CNTNAP2: variants seen among roughly 807,000 people sequenced by gnomAD.
The protein encoded by CNTNAP2 is contactin-associated protein-like 2.
Under a neutral mutation model 155.2 loss-of-function variants are expected in CNTNAP2, and 98 were observed. That is an observed-to-expected ratio of 0.63 (90% CI 0.54 to 0.75). The LOEUF (loss-of-function observed/expected upper bound fraction) is 0.75, where lower values mean the gene tolerates loss of function less well. CNTNAP2 is among the 30% of genes least tolerant of loss of function. The pLI, the probability that CNTNAP2 is intolerant of heterozygous loss-of-function variation, is 0.00. For missense variants in CNTNAP2, 1,727 were observed against 1,688.1 expected (o/e 1.02, Z -0.40); for synonymous variants, 651 against 631.2 (o/e 1.03, Z -0.47).
intron 12 of CNTNAP2, among the ~76,000 whole-genome samples, chr7:147,579,130 T>A (rs1475909894): frequency 6.6e-6 from 1 of 152,100 alleles, no homozygotes; most frequent in East Asian, 1.9e-4. Context: ...TTAAATGTAA[T>A]GAACTGTGTG....
chr7:146,299,150 A>C (rs1207018620), intron 1 of CNTNAP2, among the ~76,000 whole-genome samples: 1 of 152,122 alleles, frequency 6.6e-6, no homozygotes, highest in Non-Finnish European at 1.5e-5. Flanking sequence ...ATGTGCCTGT[A>C]ATCCCAGCTA....
chr7:146,644,889 T>C (rs1339131310), intron 1 of CNTNAP2, among the ~76,000 whole-genome samples: 1 of 152,104 alleles, frequency 6.6e-6, no homozygotes, highest in Non-Finnish European at 1.5e-5. Context: ...CACAGCCGAA[T>C]TCTACCAGAG....
intron 1 of CNTNAP2, among the ~76,000 whole-genome samples, chr7:146,396,713 A>G (rs1468126472): frequency 6.6e-6 from 1 of 150,676 alleles, no homozygotes; most frequent in Non-Finnish European, 1.5e-5. Context: ...ATATACATAT[A>G]TATATGTGTA....
intron 2 of CNTNAP2, among the ~76,000 whole-genome samples, chr7:146,788,918 C>T (rs1802625519): frequency 6.6e-6 from 1 of 151,912 alleles, no homozygotes; most frequent in Non-Finnish European, 1.5e-5. Flanking sequence ...TTTTCTGACC[C>T]CAAGAGACTG....
At chr7:146,815,187 A>G (rs1304264053) in intron 2 of CNTNAP2, among the ~76,000 whole-genome samples, 1 of 152,168 alleles carries the variant, frequency 6.6e-6, no homozygotes, top group Non-Finnish European at 1.5e-5. Context: ...GATAGTAGCA[A>G]ATAACAATAC....
At chr7:147,178,893 C>T (rs1412557483) in intron 8 of CNTNAP2, among the ~76,000 whole-genome samples, 1 of 152,092 alleles carries the variant, frequency 6.6e-6, no homozygotes, top group Non-Finnish European at 1.5e-5. Flanking sequence ...CATATTCCAT[C>T]TGTTTTGGCA....
At chr7:147,486,382 A>G (rs1422140600) in intron 11 of CNTNAP2, among the ~76,000 whole-genome samples, 1 of 152,132 alleles carries the variant, frequency 6.6e-6, no homozygotes, top group African/African-American at 2.4e-5. Flanking sequence ...TGTTAGTGTG[A>G]TGTCTCTGAC....
intron 10 of CNTNAP2, among the ~76,000 whole-genome samples, chr7:147,463,003 G>A (rs925544851): frequency 2.6e-5 from 4 of 152,196 alleles, no homozygotes; most frequent in African/African-American, 7.2e-5. Context: ...TATTAAATGG[G>A]TTATGTTCCA....
intron 8 of CNTNAP2, among the ~76,000 whole-genome samples, chr7:147,186,349 T>C (rs1802566386): frequency 6.6e-6 from 1 of 152,202 alleles, no homozygotes; most frequent in South Asian, 2.1e-4. Flanking sequence ...TAGAAGATCT[T>C]TTCTGTTCTG....
At chr7:146,361,811 A>G (rs1375491301) in intron 1 of CNTNAP2, among the ~76,000 whole-genome samples, 1 of 152,240 alleles carries the variant, frequency 6.6e-6, no homozygotes, top group Non-Finnish European at 1.5e-5. Flanking sequence ...TCAAAAAGAC[A>G]GTAAATAAAT....
intron 1 of CNTNAP2, among the ~76,000 whole-genome samples, chr7:146,566,134 A>T (rs956800173): frequency 1.3e-5 from 2 of 152,192 alleles, no homozygotes; most frequent in African/African-American, 2.4e-5. Context: ...CAGCTTTGTT[A>T]TTCCAGCTGG....
chr7:147,084,623 T>C (rs1175090702), intron 4 of CNTNAP2, among the ~76,000 whole-genome samples: 6 of 146,622 alleles, frequency 4.1e-5, no homozygotes, highest in Admixed American at 6.9e-5. Flanking sequence ...GCTATATGTA[T>C]ATATGTATAT....
intron 1 of CNTNAP2, among the ~76,000 whole-genome samples, chr7:146,172,311 A>T (rs1262484200): frequency 6.6e-6 from 1 of 152,036 alleles, no homozygotes; most frequent in East Asian, 1.9e-4. Flanking sequence ...ACTGACATCT[A>T]GTGGGTGGAG....
rs1800095775 is a variant in CNTNAP2 at position 148,420,741 on chromosome 7, G to A, written c.*5125G>A. On this transcript the variant is annotated 3_prime_UTR_variant, in exon 24 of 24. Coordinates refer to ENST00000361727, the MANE Select transcript of CNTNAP2 (RefSeq NM_014141.6). ...GTCAGGTTTTTTAAATTTTTTCAGTGAGCGTGGTGACTGCAGAGGTTAGTG... is the reference window on the plus strand; with the variant it reads ...GTCAGGTTTTTTAAATTTTTTCAGTAAGCGTGGTGACTGCAGAGGTTAGTG... 6.6e-6 allele frequency: 1 copy of A among 152,502 alleles called. No homozygotes were observed. Among genetic ancestry groups the A allele is most frequent in the African/African-American group, 2.4e-5 (1 of 41,412 alleles). The allele number at this position is 152,502 out of a possible 1,614,324, so 9.4% of individuals were successfully genotyped here. A position where few individuals can be genotyped will look rare whatever the true frequency, so the allele number is the denominator to read the frequency against.
At chr7:147,829,475 A>G (rs550495669) in intron 13 of CNTNAP2, among the ~76,000 whole-genome samples, 1 of 152,338 alleles carries the variant, frequency 6.6e-6, no homozygotes, top group East Asian at 1.9e-4. Flanking sequence ...ATAGCTCTCC[A>G]TATTTAGTGC....
At chr7:146,512,202 GC>G (rs1287721802) in intron 1 of CNTNAP2, among the ~76,000 whole-genome samples, 2 of 151,174 alleles carry the variant, frequency 1.3e-5, no homozygotes, top group Non-Finnish European at 3.0e-5. Flanking sequence ...TCTACCTAAA[GC>G]TTTGTCAATT....
chr7:146,842,024 A>G (rs909382764), intron 3 of CNTNAP2, among the ~76,000 whole-genome samples: 6 of 146,346 alleles, frequency 4.1e-5, no homozygotes, highest in African/African-American at 1.5e-4. Flanking sequence ...CTGGGATTGC[A>G]GGCATCCACC....
intron 15 of CNTNAP2, among the ~76,000 whole-genome samples, chr7:148,057,536 T>C (rs763308450): frequency 4.6e-5 from 7 of 152,194 alleles, no homozygotes; most frequent in Non-Finnish European, 1.0e-4. Flanking sequence ...TGTGAGGTGA[T>C]CTTCAAGTAT....
intron 14 of CNTNAP2, among the ~76,000 whole-genome samples, chr7:147,949,586 TG>T (rs1175441320): frequency 6.6e-6 from 1 of 152,064 alleles, no homozygotes; most frequent in African/African-American, 2.4e-5. Context: ...GCTAGTTGGT[TG>T]TTCTCCCGGA....
Sources: gnomAD v4.1 joint callset for allele counts (sites outside exome capture counted in the v4.1 genomes callset) on GRCh38, gnomAD v4.1.1 for gene constraint, MANE v1.5 for transcripts, NCBI Gene and HGNC (gene_info 2026-07-23, HGNC 2026-07-21) for gene names.